Variants in C13orf42 observed in about 807,000 individuals in gnomAD.
The protein encoded by C13orf42 is uncharacterized protein C13orf42.
At chr13:51,148,371 G>A (rs1007658942) in intron 1 of C13orf42, among the ~76,000 whole-genome samples, 4 of 152,232 alleles carry the variant, frequency 2.6e-5, no homozygotes, top group African/African-American at 9.6e-5. Flanking sequence ...CCCTCAGCAG[G>A]GGAGGAGAGC....
intron 1 of C13orf42, among the ~76,000 whole-genome samples, chr13:51,124,253 C>G (rs961226666): frequency 6.6e-6 from 1 of 152,164 alleles, no homozygotes; most frequent in African/African-American, 2.4e-5. Context: ...GCCGACCCAC[C>G]AAATTATCCT....
intron 1 of C13orf42, among the ~76,000 whole-genome samples, chr13:51,100,828 C>T (rs576976227): frequency 1.3e-5 from 2 of 152,248 alleles, no homozygotes; most frequent in South Asian, 4.1e-4. Context: ...GGAATCTCTG[C>T]TAAAAAATGC....
intron 1 of C13orf42, among the ~76,000 whole-genome samples, chr13:51,122,045 C>T (rs887243804): frequency 3.3e-5 from 5 of 151,950 alleles, no homozygotes; most frequent in Non-Finnish European, 2.9e-5. Flanking sequence ...GTATTAAGTA[C>T]ACAAATGTGT....
intron 1 of C13orf42, among the ~76,000 whole-genome samples, chr13:51,088,989 C>T (rs1953156824): frequency 2.0e-5 from 3 of 151,932 alleles, no homozygotes; most frequent in African/African-American, 7.3e-5. Flanking sequence ...CAAATCAATA[C>T]GTGTACTAAT....
chr13:51,099,127 T>A (rs1953262435), intron 1 of C13orf42, among the ~76,000 whole-genome samples: 1 of 152,216 alleles, frequency 6.6e-6, no homozygotes, highest in Non-Finnish European at 1.5e-5. Context: ...TAGTGCCTCT[T>A]TTTTGCCTTT....
chr13:51,099,590 T>C (rs1434708719), intron 1 of C13orf42, among the ~76,000 whole-genome samples: 1 of 152,340 alleles, frequency 6.6e-6, no homozygotes, highest in Admixed American at 6.5e-5. Context: ...ACTCACTGGA[T>C]CCAACTAACA....
intron 1 of C13orf42, among the ~76,000 whole-genome samples, chr13:51,160,471 T>C (rs1953856144): frequency 6.6e-6 from 1 of 152,172 alleles, no homozygotes; most frequent in Non-Finnish European, 1.5e-5. Context: ...ATTGCACCAT[T>C]GCACTCCAGC....
chr13:51,143,284 T>C (rs1016906605), intron 1 of C13orf42, among the ~76,000 whole-genome samples: 47 of 152,198 alleles, frequency 3.1e-4, no homozygotes, highest in South Asian at 4.2e-4. Flanking sequence ...TGAGGGACTA[T>C]GGGGGAAGAG....
chr13:51,106,073 G>A (rs1210657319), intron 1 of C13orf42, among the ~76,000 whole-genome samples: 2 of 152,194 alleles, frequency 1.3e-5, no homozygotes, highest in African/African-American at 4.8e-5. Context: ...ACTGAGAAGT[G>A]CAAAAGTAGA....
intron 1 of C13orf42, among the ~76,000 whole-genome samples, chr13:51,156,056 C>T (rs542655341): frequency 2.0e-5 from 3 of 152,252 alleles, no homozygotes; most frequent in African/African-American, 7.2e-5. Context: ...CTTGAGGATA[C>T]GGGTGGCAGG....
chr13:51,110,080 G>A (rs1445321344), intron 1 of C13orf42, among the ~76,000 whole-genome samples: 2 of 152,180 alleles, frequency 1.3e-5, no homozygotes, highest in East Asian at 1.9e-4. Flanking sequence ...GACTCTCTCC[G>A]TGTCTATGCC....
intron 1 of C13orf42, among the ~76,000 whole-genome samples, chr13:51,132,773 T>C (rs1953627532): frequency 1.3e-5 from 2 of 152,238 alleles, no homozygotes; most frequent in South Asian, 4.1e-4. Context: ...TGAGACCTGC[T>C]GGGCCACGTT....
At chr13:51,125,065 G>A (rs779517825) in intron 1 of C13orf42, among the ~76,000 whole-genome samples, 1 of 152,124 alleles carries the variant, frequency 6.6e-6, no homozygotes, top group African/African-American at 2.4e-5. Context: ...TGGAAAAAGG[G>A]CCTAAAGATC....
intron 1 of C13orf42, among the ~76,000 whole-genome samples, chr13:51,149,752 C>T (rs1430424260): frequency 1.3e-5 from 2 of 152,206 alleles, no homozygotes; most frequent in Admixed American, 1.3e-4. Flanking sequence ...TCTTTGAAGT[C>T]ATTTAGCATG....
chr13:51,143,879 C>A lies in C13orf42; in HGVS notation n.136+28374G>T, dbSNP rs537917024. On this transcript the variant is annotated intron_variant and non_coding_transcript_variant, in intron 1 of 4. Transcript: ENST00000433280. ...AAAATGGTGTTTGGTTTTCTTTGGG[C>A]TGTATTTGTATAAATATATTATTGG... Among the ~76,000 whole-genome samples the A allele has an allele frequency of 5.7e-4, 86 of 152,156 alleles. 1 individual carries two copies. The highest frequency in any genetic ancestry group is 2.0e-3 in the African/African-American group (83 of 41,532).
chr13:51,138,915 G>A (rs1325837186), intron 1 of C13orf42, among the ~76,000 whole-genome samples: 1 of 152,154 alleles, frequency 6.6e-6, no homozygotes, highest in Non-Finnish European at 1.5e-5. Context: ...AGGAAATCAT[G>A]CAACATGCAA....
At chr13:51,166,194 C>A (rs1953900699) in intron 1 of C13orf42, among the ~76,000 whole-genome samples, 1 of 152,040 alleles carries the variant, frequency 6.6e-6, no homozygotes, top group South Asian at 2.1e-4. Context: ...ATGGAGAAGT[C>A]ATGTAATTTT....
At chr13:51,095,400 C>A (rs1340210911) in intron 1 of C13orf42, among the ~76,000 whole-genome samples, 20 of 152,058 alleles carry the variant, frequency 1.3e-4, no homozygotes, top group Admixed American at 1.3e-3. Flanking sequence ...AAAATCTCAG[C>A]CATTGTTCCC....
chr13:51,093,873 G>A lies in C13orf42; in HGVS notation c.415-5798C>T, dbSNP rs1212170351. 2.0e-5 allele frequency among the ~76,000 whole-genome samples: 3 copies of A among 152,232 alleles called. No homozygotes were observed. In the East Asian group the frequency reaches 5.8e-4, roughly 29 times the overall value. On this transcript the variant is annotated intron_variant, in intron 1 of 3. Coordinates refer to ENST00000563710, the MANE Select transcript of C13orf42 (RefSeq NM_001351589.3). ...TCAACCACATAGTCTGTTTAGGAAT[G>A]GCAGAATACTTGCTCTTTTTTTCCC...
Sources: allele counts gnomAD v4.1 joint callset (sites outside exome capture counted in the v4.1 genomes callset), GRCh38; gene constraint gnomAD v4.1.1; transcripts MANE v1.5; gene names NCBI Gene and HGNC (gene_info 2026-07-23, HGNC 2026-07-21).